The following TSBP1 variants were observed in gnomAD, a reference collection of about 807,000 sequenced individuals.
TSBP1 encodes testis expressed basic protein 1.
A neutral mutation model predicts 68.8 loss-of-function variants in TSBP1; 56 were observed. The ratio of observed to expected loss-of-function variants is 0.81; its 90% CI spans 0.66 to 1.02. The LOEUF (loss-of-function observed/expected upper bound fraction) is 1.02. Ranked by LOEUF, TSBP1 falls within the 50% of genes least tolerant of loss-of-function variation. TSBP1 has a pLI of 0.00. For missense variants in TSBP1, 502 were observed against 641.2 expected (o/e 0.78, Z 2.34); for synonymous variants, 171 against 208.7 (o/e 0.82, Z 1.56).
intron 8 of TSBP1, 42 bp downstream of exon 8, chr6:32,355,082 C>T (rs1441651919): frequency 3.8e-6 from 6 of 1,586,274 alleles, no homozygotes; most frequent in Non-Finnish European, 5.2e-6. Flanking sequence ...GGCTTGCAAA[C>T]CAGATGACAG....
chr6:32,357,632 G>C lies in TSBP1; in HGVS notation c.218-1963C>G, dbSNP rs74772758. ...AGGAGGCAAGAGATATTGGTGTTTG[G>C]GCAAGGATTGTCATGGTGGTGGAAG... is the stretch of plus-strand genomic sequence containing the variant. On this transcript the variant is annotated intron_variant, in intron 6 of 22. Transcript: ENST00000612031. This position sits in a 1 kb window ranked among gnomAD's most constrained non-coding sequence, Gnocchi z 4.7. 6.6e-6 allele frequency among the ~76,000 whole-genome samples: 1 copy of C among 152,088 alleles called. No homozygotes were observed. Among genetic ancestry groups the C allele is most frequent in the East Asian group, 1.9e-4 (1 of 5,178 alleles).
At chr6:32,346,762 C>T (rs1232499314) in intron 9 of TSBP1, among the ~76,000 whole-genome samples, 1 of 152,032 alleles carries the variant, frequency 6.6e-6, no homozygotes, top group African/African-American at 2.4e-5. Context: ...CGCTTGAACC[C>T]GGGAGGTGGA....
At position 32,292,997 on chromosome 6, in the gene TSBP1, T is replaced by C. The variant is rs1764302943; in HGVS notation, c.1676A>G (p.Lys559Arg). 1.3e-6 allele frequency: 2 copies of C among 1,595,258 alleles called. 1 individual carries two copies. The highest frequency in any genetic ancestry group is 1.7e-6 in the Non-Finnish European group (2 of 1,175,096). ...AATTTATCCTTACTCTTCCACTTTT[T>C]TGTTGTACTTCCTTCCTGTATTTGC... The change falls in exon 23 of 23, where the codon AAA becomes AGA. Residue 559 changes from lysine (K) to arginine (R), a missense_variant. Physicochemically the swap from Lys to Arg is conservative, Grantham distance 26. Coordinates refer to ENST00000612031, the Ensembl canonical transcript of TSBP1. This position sits in a 1 kb window ranked among gnomAD's most constrained non-coding sequence, Gnocchi z 4.1.
rs191343118 is a variant in TSBP1 at position 32,304,709 on chromosome 6, T to C, written c.581-2080A>G. On this transcript the variant is annotated intron_variant, in intron 19 of 22. Transcript: ENST00000612031. The surrounding 1 kb of genome is among the most constrained non-coding windows in gnomAD (Gnocchi z 4.8). ...TTTCATGTTTTCTCTTCCTTTCAAA[T>C]CTCTACCATTATACCAGCTCTCACT... 1.8e-3 allele frequency among the ~76,000 whole-genome samples: 281 copies of C among 152,304 alleles called. 1 individual carries two copies. The highest frequency in any genetic ancestry group is 2.6e-3 in the Non-Finnish European group (175 of 68,018).
intron 20 of TSBP1, among the ~76,000 whole-genome samples, chr6:32,301,077 G>T (rs540373368): frequency 5.3e-5 from 8 of 152,200 alleles, no homozygotes; most frequent in Non-Finnish European, 7.4e-5. Flanking sequence ...CTCCCAGGCT[G>T]CAGTGCAGTG....
chr6:32,350,116 T>G, intron 8 of TSBP1: 1 of 569,392 alleles, frequency 1.8e-6, no homozygotes, highest in Non-Finnish European at 3.3e-6. Context: ...TTCTCTACCT[T>G]TCCTCCACCT....
intron 9 of TSBP1, among the ~76,000 whole-genome samples, chr6:32,341,789 G>A (rs1052798112): frequency 3.9e-5 from 6 of 152,068 alleles, no homozygotes; most frequent in African/African-American, 1.4e-4. Flanking sequence ...TGGAAGTTTT[G>A]ATACCTTTTA....
chr6:32,331,942 C>G, intron 15 of TSBP1, 92 bp downstream of exon 16: 1 of 934,856 alleles, frequency 1.1e-6, no homozygotes, highest in Non-Finnish European at 1.7e-6. Context: ...TTTTCAGCTT[C>G]TTTAACCCAG....
At position 32,336,774 on chromosome 6, in the gene TSBP1, A is replaced by G. The variant is rs1275683567; in HGVS notation, c.410-139T>C. On this transcript the variant is annotated intron_variant, in intron 11 of 22. Coordinates refer to ENST00000612031, the Ensembl canonical transcript of TSBP1. This position sits in a 1 kb window ranked among gnomAD's most constrained non-coding sequence, Gnocchi z 5.2. ...GGGACTGCAGATGATCTTAGCCTGGAAGCTGCATAACCCTCCTACCAGATC... is the reference window on the plus strand; with the variant it reads ...GGGACTGCAGATGATCTTAGCCTGGGAGCTGCATAACCCTCCTACCAGATC... The G allele has an allele frequency of 4.3e-6, 3 of 696,652 alleles. No individual in the cohort carries two copies. The highest frequency in any genetic ancestry group is 7.6e-6 in the Non-Finnish European group (3 of 395,766). The allele number at this position is 696,652 out of a possible 1,614,324, so 43.2% of individuals were successfully genotyped here. A position where few individuals can be genotyped will look rare whatever the true frequency, so the allele number is the denominator to read the frequency against.
rs9366794 is a variant in TSBP1 at position 32,336,445 on chromosome 6, C to A, written c.430+170G>T. On this transcript the variant is annotated intron_variant, in intron 12 of 22. Transcript: ENST00000612031. The surrounding 1 kb of genome is among the most constrained non-coding windows in gnomAD (Gnocchi z 5.2). ...GACAGTGTTAAAAAAGCAAGTCACC[C>A]CTAAACCTCAGCATCACACAATATA... 1.3e-5 allele frequency among the ~76,000 whole-genome samples: 2 copies of A among 151,966 alleles called. No individual in the cohort carries two copies. The highest frequency in any genetic ancestry group is 3.9e-4 in the East Asian group (2 of 5,186).
rs1768071150 is a variant in TSBP1, at chr6:32,325,081, A to G, written c.515-1467T>C. 3 of 465,172 alleles carry G rather than the reference A, an allele frequency of 6.4e-6. No individual in the cohort carries two copies. The highest frequency in any genetic ancestry group is 3.8e-5 in the Admixed American group (1 of 26,420). 28.8% of individuals were successfully genotyped at this position (465,172 alleles called of 1,614,324 possible). On this transcript the variant is annotated intron_variant, in intron 16 of 22. Coordinates refer to ENST00000612031, the Ensembl canonical transcript of TSBP1. This position sits in a 1 kb window ranked among gnomAD's most constrained non-coding sequence, Gnocchi z 4.4. ...TTCCTAACATTCTTTAGAGTCATGT[A>G]AAAACTTTTTTCTCAGGTCTTTATT... is the stretch of plus-strand genomic sequence containing the variant.
intron 6 of TSBP1, among the ~76,000 whole-genome samples, chr6:32,363,298 G>A (rs760030950): frequency 6.6e-6 from 1 of 152,008 alleles, no homozygotes; most frequent in African/African-American, 2.4e-5. Context: ...AGCATAGATA[G>A]TTGCAACTTG....
chr6:32,358,910 TTTATTA>T (rs9281749), intron 6 of TSBP1, among the ~76,000 whole-genome samples: 51,972 of 147,748 alleles, frequency 0.35, 10,124 homozygotes, highest in Middle Eastern at 0.52. Flanking sequence ...CATGATTTGT[TTTATTA>T]TTATTATTAT....
chr6:32,334,041 G>A (rs1334688253), intron 14 of TSBP1: 3 of 214,276 alleles, frequency 1.4e-5, no homozygotes, highest in South Asian at 5.2e-5. Flanking sequence ...TATGATACCT[G>A]CCCTCTTGAC....
At chr6:32,366,580 G>A (rs1319201585) in intron 4 of TSBP1, among the ~76,000 whole-genome samples, 1 of 151,100 alleles carries the variant, frequency 6.6e-6, no homozygotes, top group African/African-American at 2.4e-5. Context: ...TGGCTAACAC[G>A]GTGAAACCCC....
rs1768184220 is a variant in TSBP1, at chr6:32,326,028, A to C, written c.515-2414T>G. The C allele has an allele frequency of 3.3e-6, 5 of 1,524,602 alleles. No homozygotes were observed. The Admixed American group carries it at 8.3e-5, about 25-fold the overall frequency. The allele number at this position is 1,524,602 out of a possible 1,614,324, so 94.4% of individuals were successfully genotyped here. Reference sequence around the variant, plus strand: ...TTGGCAATTACAACAATCAGTCTTCAAATTTTGGACCCATGAAGGGAGGAA... The same window carrying C: ...TTGGCAATTACAACAATCAGTCTTCCAATTTTGGACCCATGAAGGGAGGAA... On this transcript the variant is annotated intron_variant, in intron 16 of 22. Coordinates refer to ENST00000612031, the Ensembl canonical transcript of TSBP1.
At chr6:32,322,185 AG>A (rs1160901490) in intron 18 of TSBP1, among the ~76,000 whole-genome samples, 1 of 152,238 alleles carries the variant, frequency 6.6e-6, no homozygotes, top group African/African-American at 2.4e-5. Context: ...TTGGAAAGGT[AG>A]GACATAGTGT....
intron 2 of TSBP1, among the ~76,000 whole-genome samples, chr6:32,369,210 G>C (rs1340787202): frequency 6.6e-6 from 1 of 151,388 alleles, no homozygotes; most frequent in Non-Finnish European, 1.5e-5. Context: ...CCCAAATTAA[G>C]TCACTAAAAG....
At chr6:32,309,844 C>T (rs1766199799) in intron 19 of TSBP1, among the ~76,000 whole-genome samples, 3 of 152,110 alleles carry the variant, frequency 2.0e-5, no homozygotes, top group Admixed American at 6.5e-5. Flanking sequence ...TAGATCTTAT[C>T]CATTCTATCT....
Sources: allele counts gnomAD v4.1 joint callset (sites outside exome capture counted in the v4.1 genomes callset), GRCh38; gene constraint gnomAD v4.1.1; non-coding constraint Gnocchi (gnomAD v3.1); transcripts MANE v1.5; gene names NCBI Gene and HGNC (gene_info 2026-07-23, HGNC 2026-07-21).